The following RBM17 variants were observed in gnomAD, a reference collection of about 807,000 sequenced individuals.
The protein encoded by RBM17 is RNA binding motif protein 17.
In RBM17, 7 loss-of-function variants were observed where a neutral mutation model predicts 53.2. The observed-to-expected ratio is 0.13, with a 90% CI of 0.07 to 0.25. RBM17 has a LOEUF of 0.25. RBM17 is among the 10% of genes least tolerant of loss of function. The pLI is 1.00. For missense variants in RBM17, 257 were observed against 496.7 expected, an observed-to-expected ratio of 0.52 and a Z score of 4.59; for synonymous variants, 167 against 178.1, an observed-to-expected ratio of 0.94 and a Z score of 0.50.
intron 4 of RBM17, 23 bp from the exon 5 acceptor site, chr10:6,106,118 A>T: frequency 6.3e-7 from 1 of 1,582,688 alleles, no homozygotes; most frequent in Non-Finnish European, 8.7e-7. Context: ...TGTGATGAAC[A>T]TTTATTTCCT....
chr10:6,091,065 A>G (rs1474601225), intron 1 of RBM17, among the ~76,000 whole-genome samples: 1 of 147,976 alleles, frequency 6.8e-6, no homozygotes, highest in Non-Finnish European at 1.5e-5. Flanking sequence ...ATATACATAT[A>G]TTTTTTTCTC....
chr10:6,100,163 T>G (rs1463335061), intron 2 of RBM17, among the ~76,000 whole-genome samples: 4 of 152,276 alleles, frequency 2.6e-5, no homozygotes, highest in African/African-American at 9.6e-5. Context: ...TGCTTAAATT[T>G]ATAAGTATTG....
intron 2 of RBM17, among the ~76,000 whole-genome samples, chr10:6,099,470 C>T (rs780606020): frequency 6.6e-6 from 1 of 151,940 alleles, no homozygotes; most frequent in African/African-American, 2.4e-5. Flanking sequence ...GGTTCCAGGA[C>T]CCCCCTGCCC....
intron 3 of RBM17, among the ~76,000 whole-genome samples, chr10:6,101,633 C>T (rs183742017): frequency 3.5e-4 from 54 of 152,312 alleles, no homozygotes; most frequent in Admixed American, 6.5e-4. Flanking sequence ...TACCTTCAGT[C>T]ATACAATCCG....
At chr10:6,113,941 C>T (rs975277442) in intron 9 of RBM17, 108 bp from the exon 10 acceptor site, 10 of 704,588 alleles carry the variant, frequency 1.4e-5, no homozygotes, top group African/African-American at 9.0e-5. Context: ...TTCATTATGT[C>T]GTTTGGGATT....
At chr10:6,090,219 G>A (rs1840462328) in intron 1 of RBM17, among the ~76,000 whole-genome samples, 1 of 152,180 alleles carries the variant, frequency 6.6e-6, no homozygotes, top group Non-Finnish European at 1.5e-5. Flanking sequence ...TGGGAAATAG[G>A]ATATTCTAGA....
At chr10:6,095,896 C>A (rs1219869950) in intron 1 of RBM17, among the ~76,000 whole-genome samples, 5 of 152,126 alleles carry the variant, frequency 3.3e-5, no homozygotes, top group Admixed American at 3.3e-4. Context: ...AAGAGAAATG[C>A]TTGCCGAATC....
At chr10:6,106,266 C>CATAT in intron 5 of RBM17, 28 bp downstream of exon 5, 3 of 1,432,408 alleles carry the variant, frequency 2.1e-6, no homozygotes, top group Non-Finnish European at 2.9e-6. Flanking sequence ...ATGTCTTAAA[C>CATAT]ATATATAAAT....
At chr10:6,109,497 G>A (rs553832345) in intron 6 of RBM17, among the ~76,000 whole-genome samples, 19 of 152,304 alleles carry the variant, frequency 1.2e-4, no homozygotes, top group Admixed American at 4.6e-4. Flanking sequence ...GTCTTAAAGC[G>A]TCCTACTGAC....
At chr10:6,109,549 C>T (rs1305179176) in intron 6 of RBM17, among the ~76,000 whole-genome samples, 1 of 152,174 alleles carries the variant, frequency 6.6e-6, no homozygotes, top group Non-Finnish European at 1.5e-5. Flanking sequence ...CAGTGCGTAG[C>T]CCCTAACCTC....
rs766470471 is a variant in RBM17 at position 6,110,065 on chromosome 10, C to T, written c.642C>T (p.Tyr214=). 1.9e-6 allele frequency: 3 copies of T among 1,612,450 alleles called. No homozygotes were observed. Among genetic ancestry groups the T allele is most frequent in the East Asian group, 2.2e-5 (1 of 44,824 alleles). Residue 214 remains tyrosine (Y), a synonymous_variant, in exon 7 of 12, where the codon TAC becomes TAT. Transcript: ENST00000379888. ...AAGCAGCCATTCCTCCCCCAGTGTA[C>T]GAGGAACAAGACAGACCGAGATCTC... The part of the protein sequence containing the change: ...SSKAAIPPPV[Y]EEQDRPRSPT...
At chr10:6,092,911 T>C (rs894472773) in intron 1 of RBM17, among the ~76,000 whole-genome samples, 6 of 152,244 alleles carry the variant, frequency 3.9e-5, no homozygotes, top group African/African-American at 1.2e-4. Flanking sequence ...TCTGAAACTT[T>C]TGCGCAATGC....
In RBM17 at chr10:6,112,153, C is replaced by T; in HGVS notation, c.705-57C>T. 7 of 1,576,682 alleles carry T rather than the reference C, an allele frequency of 4.4e-6. No individual in the cohort carries two copies. Among genetic ancestry groups the T allele is most frequent in the Non-Finnish European group, 5.2e-6 (6 of 1,163,654 alleles). On this transcript the variant is annotated intron_variant, in intron 7 of 11. Coordinates refer to ENST00000379888, the MANE Select transcript of RBM17 (RefSeq NM_032905.5). This position sits in a 1 kb window ranked among gnomAD's most constrained non-coding sequence, Gnocchi z 4.4. ...AGGTTGTTGTGATGGAAAAATGCAACCTATCTCCAGTTGACGATGTCAAGG... is the reference window on the plus strand; with the variant it reads ...AGGTTGTTGTGATGGAAAAATGCAATCTATCTCCAGTTGACGATGTCAAGG...
At chr10:6,109,536 C>T (rs1471118072) in intron 6 of RBM17, among the ~76,000 whole-genome samples, 4 of 152,210 alleles carry the variant, frequency 2.6e-5, no homozygotes, top group Non-Finnish European at 5.9e-5. Flanking sequence ...GAAGCCACCG[C>T]TCCAGTGCGT....
At position 6,098,556 on chromosome 10, in the gene RBM17, G is replaced by GTTTTTTTTTT. The variant is rs1221504658; in HGVS notation, c.123+1374_123+1375insTTTTTTTTTT. Among the ~76,000 whole-genome samples the GTTTTTTTTTT allele has an allele frequency of 3.0e-4, 26 of 87,978 alleles. 5 individuals carry two copies. Among genetic ancestry groups the GTTTTTTTTTT allele is most frequent in the African/African-American group, 7.7e-4 (19 of 24,788 alleles). The allele number at this position is 87,978 out of a possible 152,430, so 57.7% of individuals were successfully genotyped here. A position where few individuals can be genotyped will look rare whatever the true frequency, so the allele number is the denominator to read the frequency against. Reference sequence around the variant, plus strand: ...GTTTGAAAATTTCCGTAATACACAGGTTTTTTGTTTTTTTTTTTTTTTTTT... The same window carrying GTTTTTTTTTT: ...GTTTGAAAATTTCCGTAATACACAGGTTTTTTTTTTTTTTTTGTTTTTTTTTTTTTTTTTT... On this transcript the variant is annotated intron_variant, in intron 2 of 11. Transcript: ENST00000379888.
intron 1 of RBM17, among the ~76,000 whole-genome samples, chr10:6,094,766 G>A (rs2132938559): frequency 6.6e-6 from 1 of 152,332 alleles, no homozygotes; most frequent in African/African-American, 2.4e-5. Flanking sequence ...TGGAAGAAAA[G>A]TGTACAAAAG....
Position 6,111,780 on chromosome 10 carries a change from A to T in RBM17, c.705-430A>T, listed in dbSNP as rs113507336. ...GGTTCTTTCATTTGTATAGTCTGTCATTGGAAACTCTCCTGTGCTATTTAG... is the reference window on the plus strand; with the variant it reads ...GGTTCTTTCATTTGTATAGTCTGTCTTTGGAAACTCTCCTGTGCTATTTAG... On this transcript the variant is annotated intron_variant, in intron 7 of 11. Coordinates refer to ENST00000379888, the MANE Select transcript of RBM17 (RefSeq NM_032905.5). 5.6e-3 allele frequency among the ~76,000 whole-genome samples: 852 copies of T among 152,296 alleles called. 1 individual carries two copies. The highest frequency in any genetic ancestry group is 0.01 in the Middle Eastern group (3 of 294).
chr10:6,114,578 T>C (rs558333752), intron 10 of RBM17: 26 of 162,962 alleles, frequency 1.6e-4, no homozygotes, highest in South Asian at 6.6e-4. Flanking sequence ...CTGAAAGATA[T>C]TCAGTTACTA....
chr10:6,093,433 G>A (rs10905746), intron 1 of RBM17, among the ~76,000 whole-genome samples: 21,745 of 152,102 alleles, frequency 0.14, 1,943 homozygotes, highest in East Asian at 0.29. Context: ...AGGCCAGGCT[G>A]GTCTCAAACT....
Sources: allele counts gnomAD v4.1 joint callset (sites outside exome capture counted in the v4.1 genomes callset), GRCh38; gene constraint gnomAD v4.1.1; non-coding constraint Gnocchi (gnomAD v3.1); transcripts MANE v1.5; gene names NCBI Gene and HGNC (gene_info 2026-07-23, HGNC 2026-07-21).